Variants in PLEKHG1 observed in about 807,000 individuals in gnomAD.
The protein encoded by PLEKHG1 is pleckstrin homology and RhoGEF domain containing G1, also known as pleckstrin homology domain-containing family G member 1.
Under a neutral mutation model 100.8 loss-of-function variants are expected in PLEKHG1, and 44 were observed. That is an observed-to-expected ratio of 0.44 (90% CI 0.34 to 0.56). The LOEUF (loss-of-function observed/expected upper bound fraction) is 0.56, where lower values mean the gene tolerates loss of function less well. Ranked by LOEUF, PLEKHG1 falls within the 20% of genes least tolerant of loss-of-function variation. The probability of loss-of-function intolerance (pLI) is 0.01; values close to 1 mark genes in which losing one functional copy is unlikely to be tolerated. For synonymous variants in PLEKHG1, 640 were observed against 662.5 expected (o/e 0.97, Z 0.52); for missense variants, 1,545 against 1,720.9 (o/e 0.90, Z 1.81).
chr6:150,774,162 A>C (rs768238586), intron 3 of PLEKHG1, among the ~76,000 whole-genome samples: 10 of 152,210 alleles, frequency 6.6e-5, no homozygotes, highest in Non-Finnish European at 1.2e-4. Context: ...CATCTTTTAC[A>C]GTTCTTCTAC....
intron 2 of PLEKHG1, among the ~76,000 whole-genome samples, chr6:150,761,537 C>T (rs1413259255): frequency 1.3e-5 from 2 of 152,064 alleles, no homozygotes; most frequent in Non-Finnish European, 2.9e-5. Context: ...TCAGGTGATC[C>T]ACCTGTCTCG....
chr6:150,703,870 C>G (rs1421120006), intron 3 of PLEKHG1, among the ~76,000 whole-genome samples: 1 of 152,184 alleles, frequency 6.6e-6, no homozygotes, highest in Non-Finnish European at 1.5e-5. Context: ...TGAAAACTTG[C>G]AGAATTTCAT....
At chr6:150,646,216 G>A (rs1405746436) in intron 2 of PLEKHG1, among the ~76,000 whole-genome samples, 4 of 152,070 alleles carry the variant, frequency 2.6e-5, no homozygotes, top group Admixed American at 6.6e-5. Context: ...TGAACCCTAC[G>A]TGTTTGCAGG....
intron 1 of PLEKHG1, among the ~76,000 whole-genome samples, chr6:150,618,427 G>A (rs550451049): frequency 5.3e-5 from 8 of 152,260 alleles, no homozygotes; most frequent in African/African-American, 1.2e-4. Flanking sequence ...GGCCTGATTC[G>A]TAATGTTTGC....
chr6:150,757,581 A>ATG (rs1389239969), intron 2 of PLEKHG1, among the ~76,000 whole-genome samples: 5 of 138,032 alleles, frequency 3.6e-5, no homozygotes, highest in Non-Finnish European at 7.7e-5. Context: ...GTGTGTGTGT[A>ATG]TGTGTGTGTC....
In PLEKHG1 at chr6:150,805,272, C is replaced by T. The variant is rs534211015; in HGVS notation, c.912+531C>T. ...TTTAAGCTAATTGTTTGCTTATAGCCCCTTTGATGGTCTAAGTTACAATTT... is the reference window on the plus strand; with the variant it reads ...TTTAAGCTAATTGTTTGCTTATAGCTCCTTTGATGGTCTAAGTTACAATTT... On this transcript the variant is annotated intron_variant, in intron 7 of 15. Transcript: ENST00000358517. Among the ~76,000 whole-genome samples, 28 of 152,286 alleles carry T rather than the reference C, an allele frequency of 1.8e-4. No individual in the cohort carries two copies. In the South Asian group the frequency reaches 5.6e-3, roughly 30 times the overall value.
At chr6:150,661,637 C>A (rs915692955) in intron 3 of PLEKHG1, among the ~76,000 whole-genome samples, 13 of 152,276 alleles carry the variant, frequency 8.5e-5, no homozygotes, top group Admixed American at 3.9e-4. Context: ...TGGAGAAAAA[C>A]CATGTTCTGG....
At chr6:150,747,615 G>A (rs115481749) in intron 2 of PLEKHG1, among the ~76,000 whole-genome samples, 2,932 of 151,082 alleles carry the variant, frequency 0.019, 87 homozygotes, top group East Asian at 0.057. Context: ...ACTTTTGGCC[G>A]GGCGTGGTGG....
chr6:150,661,998 G>A (rs1168704730), intron 3 of PLEKHG1, among the ~76,000 whole-genome samples: 2 of 152,080 alleles, frequency 1.3e-5, no homozygotes, highest in African/African-American at 4.8e-5. Context: ...AGGATGAGGA[G>A]ACAGTCAGAA....
chr6:150,823,279 C>CA (rs371636341), intron 13 of PLEKHG1, among the ~76,000 whole-genome samples: 2 of 152,140 alleles, frequency 1.3e-5, no homozygotes, highest in African/African-American at 4.8e-5. Flanking sequence ...AATAAAATGT[C>CA]AAAAAATCAG....
chr6:150,840,113 A>G (rs1314669793), exon 16 of PLEKHG1: 1 of 1,614,254 alleles, frequency 6.2e-7, no homozygotes, highest in Admixed American at 1.7e-5. Flanking sequence ...AATTGTCCGC[A>G]GCTTGCTCTG....
At chr6:150,794,979 T>G (rs1464289414) in intron 4 of PLEKHG1, among the ~76,000 whole-genome samples, 1 of 152,092 alleles carries the variant, frequency 6.6e-6, no homozygotes, top group Non-Finnish European at 1.5e-5. Flanking sequence ...AATAGGCACT[T>G]AGAGTCACAT....
At chr6:150,608,114 C>T (rs1392729157) in intron 1 of PLEKHG1, among the ~76,000 whole-genome samples, 1 of 152,174 alleles carries the variant, frequency 6.6e-6, no homozygotes, top group South Asian at 2.1e-4. Flanking sequence ...ACATGGAACC[C>T]TCATGGTCCA....
At chr6:150,612,399 C>A (rs1776889460) in intron 1 of PLEKHG1, among the ~76,000 whole-genome samples, 1 of 152,168 alleles carries the variant, frequency 6.6e-6, no homozygotes, top group African/African-American at 2.4e-5. Flanking sequence ...GTGGCATGAT[C>A]TCGGTTCCTT....
chr6:150,691,984 C>T (rs1366797119), intron 3 of PLEKHG1, among the ~76,000 whole-genome samples: 2 of 152,364 alleles, frequency 1.3e-5, no homozygotes, highest in Non-Finnish European at 2.9e-5. Flanking sequence ...ATCCAGGTTC[C>T]TGTCCCGCTG....
chr6:150,804,210 A>G (rs1786905534), intron 6 of PLEKHG1, among the ~76,000 whole-genome samples: 1 of 81,110 alleles, frequency 1.2e-5, no homozygotes, highest in Non-Finnish European at 2.2e-5. Context: ...TTTTCGAGGC[A>G]GAGTCTCACT....
rs568565224 is a variant in PLEKHG1, at chr6:150,657,737, C to T, written c.-99+6951C>T. ...TAGAATGTCATAGCCCCATGCAGTACGGAATCATGGATGTCTCATGTTCTT... is the reference window on the plus strand; with the variant it reads ...TAGAATGTCATAGCCCCATGCAGTATGGAATCATGGATGTCTCATGTTCTT... On this transcript the variant is annotated intron_variant, in intron 3 of 3. Transcript: ENST00000367326. Among the ~76,000 whole-genome samples the T allele has an allele frequency of 3.9e-5, 6 of 152,276 alleles. No individual in the cohort carries two copies. The East Asian group carries it at 5.8e-4, about 15-fold the overall frequency.
chr6:150,709,368 G>GGAATTA (rs1781159999), intron 3 of PLEKHG1, among the ~76,000 whole-genome samples: 2 of 152,110 alleles, frequency 1.3e-5, no homozygotes, highest in Non-Finnish European at 2.9e-5. Flanking sequence ...GGAATAAAAA[G>GGAATTA]CATTTTCCTG....
intron 2 of PLEKHG1, among the ~76,000 whole-genome samples, 182 bp from the exon 4 acceptor site, chr6:150,768,456 T>A (rs918416938): frequency 1.3e-5 from 2 of 152,248 alleles, no homozygotes; most frequent in Admixed American, 6.5e-5. Flanking sequence ...CTAAAACTCT[T>A]CGTTCTATAA....
Sources: gnomAD v4.1 joint callset for allele counts (sites outside exome capture counted in the v4.1 genomes callset) on GRCh38, gnomAD v4.1.1 for gene constraint, MANE v1.5 for transcripts, NCBI Gene and HGNC (gene_info 2026-07-23, HGNC 2026-07-21) for gene names.